The following PCBP3 variants were observed in gnomAD, a reference collection of about 807,000 sequenced individuals.
The protein encoded by PCBP3 is poly(rC)-binding protein 3.
PCBP3 carries 25 observed loss-of-function variants against 52.7 expected under a neutral mutation model. The ratio of observed to expected loss-of-function variants is 0.47; its 90% CI spans 0.35 to 0.66. The LOEUF (loss-of-function observed/expected upper bound fraction) is 0.66, where lower values mean the gene tolerates loss of function less well. Ranked by LOEUF, PCBP3 falls within the 30% of genes least tolerant of loss-of-function variation. PCBP3 has a pLI of 0.01. For synonymous variants in PCBP3, 162 were observed against 183.0 expected (o/e 0.89, Z 0.93); for missense variants, 391 against 490.3 (o/e 0.80, Z 1.91).
At chr21:45,871,659 C>CA (rs1323030797) in intron 5 of PCBP3, 3 of 152,298 alleles carry the variant, frequency 2.0e-5, no homozygotes, top group Non-Finnish European at 4.4e-5. Context: ...AATGCAGAAC[C>CA]AGCTGAAAAG....
chr21:45,745,252 G>A (rs1008772445), intron 3 of PCBP3, among the ~76,000 whole-genome samples: 5 of 152,222 alleles, frequency 3.3e-5, no homozygotes, highest in Non-Finnish European at 7.3e-5. Flanking sequence ...TGAGGGGACG[G>A]TGTGGGGCAT....
intron 3 of PCBP3, among the ~76,000 whole-genome samples, chr21:45,751,849 A>C (rs1170586433): frequency 6.6e-6 from 1 of 152,232 alleles, no homozygotes; most frequent in Non-Finnish European, 1.5e-5. Flanking sequence ...AGCGTAGCTC[A>C]GCGTGGTTTT....
intron 6 of PCBP3, among the ~76,000 whole-genome samples, chr21:45,897,725 T>C (rs1041887786): frequency 2.6e-5 from 4 of 152,152 alleles, no homozygotes; most frequent in African/African-American, 9.7e-5. Context: ...TGTGGTGGCA[T>C]GTTCTGGAAG....
intron 16 of PCBP3, among the ~76,000 whole-genome samples, chr21:45,936,434 G>GCAGCATTGTGGTCCAGCCTT (rs1266754353): frequency 6.6e-6 from 1 of 152,210 alleles, no homozygotes; most frequent in Non-Finnish European, 1.5e-5. Context: ...CACACTCCAG[G>GCAGCATTGTGGTCCAGCCTT]CAGCATTGTG....
At chr21:45,722,026 C>T (rs976223649) in intron 2 of PCBP3, among the ~76,000 whole-genome samples, 1 of 152,096 alleles carries the variant, frequency 6.6e-6, no homozygotes, top group Non-Finnish European at 1.5e-5. Context: ...AGGAGATAAT[C>T]GGATAAGCAC....
intron 4 of PCBP3, among the ~76,000 whole-genome samples, chr21:45,811,383 A>T (rs1053869012): frequency 2.0e-5 from 3 of 152,218 alleles, no homozygotes; most frequent in African/African-American, 7.2e-5. Context: ...TCTGCTCCTG[A>T]GTCCTCCTCC....
At chr21:45,851,395 C>T (rs1383492126) in intron 5 of PCBP3, among the ~76,000 whole-genome samples, 1 of 152,074 alleles carries the variant, frequency 6.6e-6, no homozygotes, top group Non-Finnish European at 1.5e-5. Context: ...GCCTTTAATC[C>T]CAGCTACTCG....
intron 10 of PCBP3, 145 bp downstream of exon 10, chr21:45,909,631 C>T (rs917932450): frequency 4.3e-5 from 32 of 743,614 alleles, no homozygotes; most frequent in Admixed American, 8.0e-5. Context: ...GCTCAAAGTG[C>T]GAGACAGGAA....
chr21:45,685,915 C>CTTTTTT (rs1168054154), intron 2 of PCBP3, among the ~76,000 whole-genome samples: 1 of 125,456 alleles, frequency 8.0e-6, no homozygotes, highest in Non-Finnish European at 1.7e-5. Flanking sequence ...GTAAGATGAA[C>CTTTTTT]TTTTTTTTTT....
chr21:45,893,777 TGGGGA>T (rs2095749075), intron 5 of PCBP3: 1 of 985,170 alleles, frequency 1.0e-6, no homozygotes, highest in South Asian at 4.7e-5. Context: ...GAACACAGTG[TGGGGA>T]GGGGCGGGCA....
intron 14 of PCBP3, among the ~76,000 whole-genome samples, chr21:45,930,275 C>T (rs1480834806): frequency 1.3e-5 from 2 of 152,230 alleles, no homozygotes; most frequent in African/African-American, 4.8e-5. Context: ...AGGGTCTGCA[C>T]TTGCTGGGCA....
chr21:45,710,144 C>CT, intron 2 of PCBP3, among the ~76,000 whole-genome samples: 1 of 152,296 alleles, frequency 6.6e-6, no homozygotes, highest in African/African-American at 2.4e-5. Context: ...AGTGACTCTT[C>CT]TTTTTTATTA....
Position 45,656,825 on chromosome 21 carries a change from TTTTC to T in PCBP3, c.-278-12038_-278-12035del, listed in dbSNP as rs1330641710. Among the ~76,000 whole-genome samples the T allele has an allele frequency of 5.3e-5, 8 of 152,268 alleles. No individual in the cohort carries two copies. Among genetic ancestry groups the T allele is most frequent in the East Asian group, 3.9e-4 (2 of 5,188 alleles). ...AACTGTGAGTAGTCTTTTCATTTTC[TTTTC>T]TTTCTTTCTTGAGACAGAGTTTTGC... is the stretch of plus-strand genomic sequence containing the variant. On this transcript the variant is annotated intron_variant, in intron 1 of 17. Transcript: ENST00000681687. This position sits in a 1 kb window ranked among gnomAD's most constrained non-coding sequence, Gnocchi z 4.3.
At chr21:45,725,836 G>A (rs571762129) in intron 2 of PCBP3, among the ~76,000 whole-genome samples, 2 of 151,644 alleles carry the variant, frequency 1.3e-5, no homozygotes, top group East Asian at 1.9e-4. Flanking sequence ...GGCAGGAGGC[G>A]TGCATGGAGC....
At chr21:45,872,763 T>G (rs2095085407) in intron 5 of PCBP3, 1 of 152,196 alleles carries the variant, frequency 6.6e-6, no homozygotes, top group African/African-American at 2.4e-5. Context: ...GTGGTAAACA[T>G]TCTATCAGTG....
intron 4 of PCBP3, among the ~76,000 whole-genome samples, chr21:45,769,411 G>A (rs1203104716): frequency 6.6e-6 from 1 of 152,252 alleles, no homozygotes. Flanking sequence ...ACGCAGGGCT[G>A]TCTGCTGCCT....
chr21:45,683,665 G>A (rs923327407), intron 2 of PCBP3, among the ~76,000 whole-genome samples: 5 of 152,040 alleles, frequency 3.3e-5, no homozygotes, highest in African/African-American at 7.2e-5. Context: ...GTGTTGCTGC[G>A]CCTGTAATCC....
chr21:45,846,069 GGGCCTGCTCTCAGGCTCCCCTGGGCGTGT>G (rs2093804477), intron 4 of PCBP3, among the ~76,000 whole-genome samples: 1 of 152,180 alleles, frequency 6.6e-6, no homozygotes, highest in African/African-American at 2.4e-5. Flanking sequence ...GCTCCATCAG[GGGCCTGCTCTCAGGCTCCCCTGGGCGTGT>G]GCGTGAGGTT....
rs1491530153 is a variant in PCBP3, at chr21:45,669,806, T to TAC, written c.-200+855_-200+856insCA. On this transcript the variant is annotated intron_variant, in intron 2 of 17. Coordinates refer to ENST00000681687, the MANE Select transcript of PCBP3 (RefSeq NM_001384156.1). ...ATTCCATTGTGTGTGTGTGTGTGTG[T>TAC]ATATATATATATATATATATATATA... Among the ~76,000 whole-genome samples the TAC allele has an allele frequency of 3.4e-3, 171 of 51,010 alleles. 4 individuals carry two copies. The highest frequency in any genetic ancestry group is 0.018 in the Admixed American group (101 of 5,724). The allele number at this position is 51,010 out of a possible 152,430, so 33.5% of individuals were successfully genotyped here. A position where few individuals can be genotyped will look rare whatever the true frequency, so the allele number is the denominator to read the frequency against.
Sources: gnomAD v4.1 joint callset for allele counts (sites outside exome capture counted in the v4.1 genomes callset) on GRCh38, gnomAD v4.1.1 for gene constraint, Gnocchi (gnomAD v3.1) non-coding constraint, MANE v1.5 for transcripts, NCBI Gene and HGNC (gene_info 2026-07-23, HGNC 2026-07-21) for gene names.